Variants in NOB1 observed in about 807,000 individuals in gnomAD.
NOB1 encodes the protein NIN1 (RPN12) binding protein 1 homolog.
Under a neutral mutation model 44.8 loss-of-function variants are expected in NOB1, and 44 were observed. The observed-to-expected ratio is 0.98, with a 90% CI of 0.77 to 1.26. NOB1 has a LOEUF of 1.26. NOB1 is among the 50% of genes most tolerant of loss of function. The pLI is 0.00. For synonymous variants in NOB1, 238 were observed against 218.7 expected (o/e 1.09, Z -0.78); for missense variants, 560 against 544.8 (o/e 1.03, Z -0.28).
At chr16:69,745,880 A>G (rs1489551047) in intron 7 of NOB1, among the ~76,000 whole-genome samples, 2 of 152,258 alleles carry the variant, frequency 1.3e-5, no homozygotes, top group Non-Finnish European at 2.9e-5. Flanking sequence ...CAAACTGTGC[A>G]GTCACGGGGC....
chr16:69,747,444 C>G (rs1354428699), intron 7 of NOB1, among the ~76,000 whole-genome samples: 1 of 152,128 alleles, frequency 6.6e-6, no homozygotes, highest in African/African-American at 2.4e-5. Context: ...GACACAGAAT[C>G]TGGATTTGAA....
chr16:69,754,516 C>T, intron 2 of NOB1, 78 bp downstream of exon 2: 2 of 1,571,540 alleles, frequency 1.3e-6, no homozygotes, highest in South Asian at 1.2e-5. Context: ...GGCAGCTAGA[C>T]CCCAACTCGC....
intron 3 of NOB1, 22 bp from the exon 4 acceptor site, chr16:69,749,652 A>G (rs774183975): frequency 6.4e-7 from 1 of 1,559,310 alleles, no homozygotes. Flanking sequence ...CAAAAAACAT[A>G]TACCTCTTGT....
rs201985418 is a variant in NOB1, at chr16:69,744,884, G to C, written c.958C>G (p.Arg320Gly). The C allele has an allele frequency of 5.0e-6, 8 of 1,613,126 alleles. No individual in the cohort carries two copies. The highest frequency in any genetic ancestry group is 4.0e-5 in the African/African-American group (3 of 74,918). Residue 320 changes from arginine to glycine, a missense_variant, in exon 8 of 9, where the codon CGC (arginine) becomes GGC (glycine). Coordinates refer to ENST00000268802, the MANE Select transcript of NOB1 (RefSeq NM_014062.3). ...GAGGCGCCACTCACCCGGAGGCCGC[G>C]GGGGTTCAGCACCTTGGGGTTGCGG... ...FSRNPKVLNP[R>G]GLRYSLPTPK...
chr16:69,754,715 C>T lies in NOB1; in HGVS notation c.75G>A (p.Lys25=). ...LRHAALQDIG[K]NIYTIREVVT... ...CCACCTCCCGGATGGTGTAAATGTT[C>T]TTCCCGATGTCCTGCGGACAGAACG... The change falls in exon 2 of 9, where the codon AAG becomes AAA. Residue 25 remains lysine (K), a synonymous_variant. Transcript: ENST00000268802. The T allele has an allele frequency of 6.2e-7, 1 of 1,614,184 alleles. No homozygotes were observed. Among genetic ancestry groups the T allele is most frequent in the South Asian group, 1.1e-5 (1 of 91,080 alleles).
At chr16:69,744,844 G>A in intron 8 of NOB1, 29 bp downstream of exon 8, 2 of 1,607,458 alleles carry the variant, frequency 1.2e-6, no homozygotes, top group Non-Finnish European at 1.7e-6. Flanking sequence ...CTCTGGTGTT[G>A]GGAGGGGACT....
At chr16:69,743,016 G>A (rs1015315940) in intron 8 of NOB1, among the ~76,000 whole-genome samples, 2 of 152,114 alleles carry the variant, frequency 1.3e-5, no homozygotes, top group African/African-American at 4.8e-5. Flanking sequence ...GCTCCTGAGA[G>A]AAATGGCGGA....
intron 7 of NOB1, 98 bp from the exon 8 acceptor site, chr16:69,745,115 G>T: frequency 7.6e-7 from 1 of 1,307,398 alleles, no homozygotes. Context: ...AGAAGAAACA[G>T]GGAAGGGCTG....
Position 69,742,185 on chromosome 16 carries a change from G to T in NOB1, c.*147C>A. On this transcript the variant is annotated 3_prime_UTR_variant, in exon 9 of 9. Transcript: ENST00000268802. ...GACAGTCCAGTTCCCTGCAGACCCA[G>T]CGGGGCATGGGCGGACAGAGCCGCA... is the stretch of plus-strand genomic sequence containing the variant. The T allele has an allele frequency of 2.0e-6, 2 of 1,022,894 alleles. No homozygotes were observed. Among genetic ancestry groups the T allele is most frequent in the Non-Finnish European group, 2.8e-6 (2 of 703,712 alleles). 63.4% of individuals were successfully genotyped at this position (1,022,894 alleles called of 1,614,324 possible).
chr16:69,742,272 G>A lies in NOB1; in HGVS notation c.*60C>T. 4.5e-6 allele frequency: 7 copies of A among 1,570,390 alleles called. No homozygotes were observed. Among genetic ancestry groups the A allele is most frequent in the Non-Finnish European group, 6.1e-6 (7 of 1,154,652 alleles). The stretch of plus-strand genomic sequence containing the variant: ...TGGAGACGACACGGCTGGGGAAATG[G>A]GTCACCGGAACTCCACGGCGGCCAG... On this transcript the variant is annotated 3_prime_UTR_variant, in exon 9 of 9. Coordinates refer to ENST00000268802, the MANE Select transcript of NOB1 (RefSeq NM_014062.3).
intron 3 of NOB1, among the ~76,000 whole-genome samples, chr16:69,751,887 C>T (rs1431979646): frequency 6.6e-6 from 1 of 152,118 alleles, no homozygotes; most frequent in East Asian, 1.9e-4. Context: ...CATGGCGAAA[C>T]CCCGTCTCTA....
intron 8 of NOB1, among the ~76,000 whole-genome samples, chr16:69,743,133 C>T (rs558952773): frequency 6.6e-6 from 1 of 152,268 alleles, no homozygotes; most frequent in East Asian, 1.9e-4. Context: ...CCACTGGCCA[C>T]ACATGGCACA....
chr16:69,754,197 C>A (rs2038505362), intron 2 of NOB1, among the ~76,000 whole-genome samples: 1 of 152,230 alleles, frequency 6.6e-6, no homozygotes, highest in African/African-American at 2.4e-5. Flanking sequence ...GCCCAATCTA[C>A]TGAAAAGAAA....
At chr16:69,753,327 G>A (rs1016701222) in intron 2 of NOB1, among the ~76,000 whole-genome samples, 14 of 152,206 alleles carry the variant, frequency 9.2e-5, no homozygotes, top group Non-Finnish European at 1.5e-5. Flanking sequence ...TGTGCTTAAT[G>A]CATAATACAT....
chr16:69,753,757 C>G (rs1009030638), intron 2 of NOB1, among the ~76,000 whole-genome samples: 1 of 152,216 alleles, frequency 6.6e-6, no homozygotes, highest in Non-Finnish European at 1.5e-5. Flanking sequence ...TGATTCCCAA[C>G]AAGAGAACAA....
Position 69,754,578 on chromosome 16 carries a change from G to A in NOB1, c.196+16C>T. On this transcript the variant is annotated intron_variant, in intron 2 of 8. Transcript: ENST00000268802. The stretch of plus-strand genomic sequence containing the variant: ...GGACCCCAGCTTCCCGTCAACGCTA[G>A]GGCAGAGGCACTCACCCAGCCGCAC... The A allele has an allele frequency of 6.2e-7, 1 of 1,613,706 alleles. No homozygotes were observed.
At chr16:69,751,622 T>C (rs2038483295) in intron 3 of NOB1, among the ~76,000 whole-genome samples, 1 of 152,246 alleles carries the variant, frequency 6.6e-6, no homozygotes, top group Non-Finnish European at 1.5e-5. Context: ...GGAATGTGAA[T>C]GTTGACTGGA....
chr16:69,748,234 G>C lies in NOB1; in HGVS notation c.822C>G (p.Phe274Leu), dbSNP rs1338140443. 1.9e-6 allele frequency: 3 copies of C among 1,612,462 alleles called. No homozygotes were observed. The highest frequency in any genetic ancestry group is 1.3e-5 in the African/African-American group (1 of 74,996). ...GGGCCAGGGCACCAGCTACATACTT[G>C]AAACAGCCATGGCAGCGCAAGATGT... ...RSYILRCHGCFKTTSDMSRVF... is the reference protein window; with the variant it reads ...RSYILRCHGCLKTTSDMSRVF... The change falls in exon 7 of 9, where the codon TTC (phenylalanine) becomes TTG (leucine). Residue 274 changes from phenylalanine (F) to leucine (L), a missense_variant and splice_region_variant. Physicochemically the swap from Phe to Leu is conservative, Grantham distance 22 (BLOSUM62 0). Coordinates refer to ENST00000268802, the MANE Select transcript of NOB1 (RefSeq NM_014062.3).
intron 8 of NOB1, 68 bp downstream of exon 8, chr16:69,744,805 T>C: frequency 6.5e-7 from 1 of 1,547,406 alleles, no homozygotes; most frequent in Non-Finnish European, 8.8e-7. Flanking sequence ...CTAGACTAGG[T>C]TTTCTTTTGT....
Sources: gnomAD v4.1 joint callset for allele counts (sites outside exome capture counted in the v4.1 genomes callset) on GRCh38, gnomAD v4.1.1 for gene constraint, MANE v1.5 for transcripts, NCBI Gene and HGNC (gene_info 2026-07-23, HGNC 2026-07-21) for gene names.